NRCAM: variants seen among roughly 807,000 people sequenced by gnomAD.
The protein encoded by NRCAM is neuronal cell adhesion molecule.
A neutral mutation model predicts 156.5 loss-of-function variants in NRCAM; 83 were observed. The observed-to-expected ratio is 0.53, with a 90% confidence interval of 0.44 to 0.64. The LOEUF is 0.64. NRCAM is among the 30% of genes least tolerant of loss of function. The pLI, the probability that NRCAM is intolerant of heterozygous loss-of-function variation, is 0.00. For synonymous variants in NRCAM, 538 were observed against 563.9 expected, an observed-to-expected ratio of 0.95 and a Z score of 0.65; for missense variants, 1,417 against 1,597.3, an observed-to-expected ratio of 0.89 and a Z score of 1.92.
intron 1 of NRCAM, among the ~76,000 whole-genome samples, chr7:108,446,958 G>A (rs1023311795): frequency 6.6e-5 from 10 of 151,838 alleles, no homozygotes; most frequent in Admixed American, 3.3e-4. Context: ...TCAAATTCCC[G>A]ACCTCAAGTG....
At chr7:108,218,246 C>T (rs1013339767) in intron 11 of NRCAM, among the ~76,000 whole-genome samples, 1 of 151,972 alleles carries the variant, frequency 6.6e-6, no homozygotes, top group Non-Finnish European at 1.5e-5. Flanking sequence ...CTTCGGCTCG[C>T]CCTCTGTGGG....
chr7:108,337,085 G>A (rs985951989), intron 2 of NRCAM, among the ~76,000 whole-genome samples: 4 of 152,060 alleles, frequency 2.6e-5, no homozygotes, highest in African/African-American at 7.2e-5. Flanking sequence ...CCAACATGGT[G>A]AAACCCCATC....
intron 29 of NRCAM, among the ~76,000 whole-genome samples, chr7:108,167,394 A>G (rs1251373420): frequency 6.6e-6 from 1 of 152,192 alleles, no homozygotes; most frequent in Non-Finnish European, 1.5e-5. Flanking sequence ...GAGTTTCTCT[A>G]AAGATGTTTC....
intron 2 of NRCAM, among the ~76,000 whole-genome samples, chr7:108,336,714 C>T (rs932750099): frequency 2.0e-5 from 3 of 152,110 alleles, no homozygotes; most frequent in African/African-American, 4.8e-5. Context: ...AAATTTTCCA[C>T]ACACATTGTA....
Position 108,232,538 on chromosome 7 carries a change from A to C in NRCAM, c.231-16T>G. 1 of 1,583,792 alleles carries C rather than the reference A, an allele frequency of 6.3e-7. No homozygotes were observed. Among genetic ancestry groups the C allele is most frequent in the Non-Finnish European group, 8.6e-7 (1 of 1,164,854 alleles). On this transcript the variant is annotated splice_polypyrimidine_tract_variant and intron_variant, in intron 6 of 32. Transcript: ENST00000379028. ...CCAGGAAAAGCTGCCCAACACACGA[A>C]GTGTTAAGTGTATTAATGGTCCAGA...
chr7:108,180,185 T>C (rs756952307), intron 25 of NRCAM, 38 bp downstream of exon 25: 5 of 1,575,568 alleles, frequency 3.2e-6, no homozygotes, highest in East Asian at 4.5e-5. Flanking sequence ...GGCCATGCCA[T>C]ATGTTCCTGA....
Position 108,150,156 on chromosome 7 carries a change from AAG to A in NRCAM, c.3678-11_3678-10del, listed in dbSNP as rs1307143425. The stretch of plus-strand genomic sequence containing the variant: ...TGTGGTCTTCTGCATCACTGGAAGA[AAG>A]AGAAAACATTTTTGTCAAGATTGGC... On this transcript the variant is annotated splice_polypyrimidine_tract_variant and intron_variant, in intron 32 of 32. Transcript: ENST00000379028. The A allele has an allele frequency of 5.7e-6, 9 of 1,580,910 alleles. No homozygotes were observed. Among genetic ancestry groups the A allele is most frequent in the Non-Finnish European group, 7.7e-6 (9 of 1,168,960 alleles).
At chr7:108,419,125 C>T (rs1247178099) in intron 1 of NRCAM, among the ~76,000 whole-genome samples, 2 of 152,174 alleles carry the variant, frequency 1.3e-5, no homozygotes, top group Non-Finnish European at 2.9e-5. Context: ...ATTGCTTCAT[C>T]TTTTCTTTAA....
In NRCAM at chr7:108,240,952, G is replaced by A. The variant is rs960688768; in HGVS notation, c.-106-782C>T. The stretch of plus-strand genomic sequence containing the variant: ...TTTTTCTTTCTTGTGTCAGTCCTTC[G>A]ATATGCCTCAAATTTTCCTGCCTTC... On this transcript the variant is annotated intron_variant, in intron 3 of 32. Transcript: ENST00000379028. 3.6e-4 allele frequency among the ~76,000 whole-genome samples: 55 copies of A among 151,920 alleles called. 3 individuals carry two copies. The highest frequency in any genetic ancestry group is 9.7e-5 in the African/African-American group (4 of 41,428).
At chr7:108,156,000 A>G (rs760082816) in intron 32 of NRCAM, among the ~76,000 whole-genome samples, 3 of 152,094 alleles carry the variant, frequency 2.0e-5, no homozygotes. Context: ...TAAATCTGTG[A>G]TAATTCTGTC....
chr7:108,334,245 C>T (rs1369459538), intron 2 of NRCAM, among the ~76,000 whole-genome samples: 2 of 152,150 alleles, frequency 1.3e-5, no homozygotes, highest in Admixed American at 6.5e-5. Flanking sequence ...ATGTGATCAC[C>T]TTTACATGCT....
At chr7:108,355,640 A>T (rs1432805812) in intron 2 of NRCAM, among the ~76,000 whole-genome samples, 1 of 152,234 alleles carries the variant, frequency 6.6e-6, no homozygotes, top group East Asian at 1.9e-4. Context: ...CTCTGTGCTG[A>T]CCTGCACCAT....
intron 1 of NRCAM, among the ~76,000 whole-genome samples, chr7:108,417,638 A>G (rs1803273488): frequency 6.6e-6 from 1 of 152,204 alleles, no homozygotes. Flanking sequence ...TCATGTCATA[A>G]TGAGCTATAA....
intron 1 of NRCAM, among the ~76,000 whole-genome samples, chr7:108,453,058 AGAT>A (rs1423428627): frequency 6.6e-6 from 1 of 152,232 alleles, no homozygotes; most frequent in African/African-American, 2.4e-5. Flanking sequence ...GTATGTAGCT[AGAT>A]GATAAAATTA....
At chr7:108,179,939 A>G (rs2062598767) in intron 25 of NRCAM, among the ~76,000 whole-genome samples, 1 of 152,196 alleles carries the variant, frequency 6.6e-6, no homozygotes, top group South Asian at 2.1e-4. Context: ...ATCCAAATAA[A>G]TGTCAAAGTA....
intron 3 of NRCAM, among the ~76,000 whole-genome samples, chr7:108,251,265 A>G (rs2096330596): frequency 6.6e-6 from 1 of 152,254 alleles, no homozygotes; most frequent in Non-Finnish European, 1.5e-5. Context: ...GAAGTAATAC[A>G]TTTCCAAGTT....
At chr7:108,238,278 T>C (rs1035673300) in intron 4 of NRCAM, among the ~76,000 whole-genome samples, 3 of 152,220 alleles carry the variant, frequency 2.0e-5, no homozygotes, top group African/African-American at 7.2e-5. Flanking sequence ...TATATTTCTA[T>C]GGTTAATCTC....
intron 1 of NRCAM, among the ~76,000 whole-genome samples, chr7:108,437,124 G>T (rs1656360191): frequency 6.6e-6 from 1 of 152,270 alleles, no homozygotes; most frequent in African/African-American, 2.4e-5. Context: ...AACAACATGG[G>T]TGGAACTGAA....
intron 27 of NRCAM, among the ~76,000 whole-genome samples, chr7:108,176,218 G>C (rs778783388): frequency 5.9e-5 from 9 of 152,096 alleles, no homozygotes; most frequent in Non-Finnish European, 1.3e-4. Context: ...AGATTTTAAT[G>C]TAAGTTTAAG....
Sources: gnomAD v4.1 joint callset for allele counts (sites outside exome capture counted in the v4.1 genomes callset) on GRCh38, gnomAD v4.1.1 for gene constraint, MANE v1.5 for transcripts, NCBI Gene and HGNC (gene_info 2026-07-23, HGNC 2026-07-21) for gene names.